Variants in EXOSC1 observed in about 807,000 individuals in gnomAD.
EXOSC1 encodes the protein exosome complex component CSL4.
Under a neutral mutation model 31.4 loss-of-function variants are expected in EXOSC1, and 27 were observed. The observed-to-expected ratio is 0.86, with a 90% CI of 0.63 to 1.18. The LOEUF (loss-of-function observed/expected upper bound fraction) is 1.18. Among genes scored for constraint, EXOSC1 ranks in the 50% most tolerant of loss-of-function variants. The probability of loss-of-function intolerance (pLI) is 0.00; values close to 1 mark genes in which losing one functional copy is unlikely to be tolerated. For missense variants in EXOSC1, 228 were observed against 250.3 expected, an observed-to-expected ratio of 0.91 and a Z score of 0.60; for synonymous variants, 84 against 89.5, an observed-to-expected ratio of 0.94 and a Z score of 0.35.
rs574470414 is a variant in EXOSC1, at chr10:97,437,926, T to A, written c.346-176A>T. 5.1e-4 allele frequency among the ~76,000 whole-genome samples: 75 copies of A among 148,272 alleles called. 3 individuals are homozygous for A. Among genetic ancestry groups the A allele is most frequent in the Admixed American group, 2.0e-3 (30 of 14,814 alleles). On this transcript the variant is annotated intron_variant, in intron 5 of 7. Transcript: ENST00000370902. ...TACAGTATTATCATACAAATGAAAA[T>A]TTTTTTTTTTTGAGATGGAGTCTCG...
intron 3 of EXOSC1, among the ~76,000 whole-genome samples, chr10:97,442,147 C>T (rs1366882344): frequency 6.7e-6 from 1 of 149,578 alleles, no homozygotes; most frequent in Non-Finnish European, 1.5e-5. Flanking sequence ...CACTGCACTC[C>T]AGCCTGGGTG....
At position 97,435,945 on chromosome 10, in the gene EXOSC1, T is replaced by C. The variant is rs1474842102; in HGVS notation, c.*500A>G. On this transcript the variant is annotated 3_prime_UTR_variant, in exon 8 of 8. Coordinates refer to ENST00000370902, the MANE Select transcript of EXOSC1 (RefSeq NM_016046.5). ...TGGGATTTACAAACATGAGCCACCA[T>C]GCCTGCCTCACATGCTATCTGTATC... 2.0e-5 allele frequency among the ~76,000 whole-genome samples: 3 copies of C among 152,180 alleles called. No homozygotes were observed. The highest frequency in any genetic ancestry group is 1.9e-4 in the East Asian group (1 of 5,192).
At chr10:97,438,609 A>G (rs1845618594) in intron 5 of EXOSC1, 61 bp downstream of exon 5, 6 of 1,509,460 alleles carry the variant, frequency 4.0e-6, no homozygotes, top group Non-Finnish European at 5.5e-6. Context: ...CTGGCCTGAG[A>G]TAATACTTTT....
intron 3 of EXOSC1, among the ~76,000 whole-genome samples, chr10:97,441,540 G>C (rs1384563785): frequency 1.3e-5 from 2 of 149,096 alleles, no homozygotes; most frequent in Non-Finnish European, 3.0e-5. Flanking sequence ...GCCCAGGCTG[G>C]AGTGCAATGG....
intron 4 of EXOSC1, 27 bp downstream of exon 4, chr10:97,441,144 G>A: frequency 1.3e-6 from 2 of 1,568,626 alleles, no homozygotes; most frequent in Non-Finnish European, 1.8e-6. Context: ...CAGTTGCTAA[G>A]GTATATGTGA....
chr10:97,439,970 C>CTTTT (rs957127403), intron 4 of EXOSC1, among the ~76,000 whole-genome samples: 1 of 139,652 alleles, frequency 7.2e-6, no homozygotes, highest in Admixed American at 7.3e-5. Context: ...ATGCCTTCTA[C>CTTTT]TTTTTTTTTT....
chr10:97,442,101 C>T (rs1845737962), intron 3 of EXOSC1, among the ~76,000 whole-genome samples: 1 of 150,640 alleles, frequency 6.6e-6, no homozygotes, highest in African/African-American at 2.5e-5. Flanking sequence ...TGCTTGAACC[C>T]AAGAGGCCAG....
intron 4 of EXOSC1, among the ~76,000 whole-genome samples, chr10:97,439,729 T>G (rs989820774): frequency 6.6e-6 from 1 of 152,186 alleles, no homozygotes; most frequent in African/African-American, 2.4e-5. Flanking sequence ...GGAAAAACTG[T>G]CTTCCAAGAA....
At chr10:97,443,417 T>C in intron 2 of EXOSC1, 106 bp from the exon 3 acceptor site, 1 of 953,452 alleles carries the variant, frequency 1.0e-6, no homozygotes, top group Non-Finnish European at 1.6e-6. Flanking sequence ...AGGTGAGAGT[T>C]GGAGTATGGA....
At chr10:97,443,380 G>A (rs1845776313) in intron 2 of EXOSC1, 69 bp from the exon 3 acceptor site, 2 of 1,320,214 alleles carry the variant, frequency 1.5e-6, no homozygotes, top group African/African-American at 1.5e-5. Flanking sequence ...TGTGGCTTGA[G>A]AGTAATATAG....
chr10:97,437,298 G>T, intron 6 of EXOSC1, 23 bp from the exon 7 acceptor site: 1 of 1,587,736 alleles, frequency 6.3e-7, no homozygotes, highest in South Asian at 1.1e-5. Flanking sequence ...CACCGGTGAA[G>T]GAAAATGAGG....
intron 2 of EXOSC1, chr10:97,443,689 CT>C (rs1845787999): frequency 5.4e-5 from 9 of 167,172 alleles, no homozygotes; most frequent in South Asian, 1.8e-4. Context: ...TGCCCAGCTA[CT>C]TTTTTTTGTA....
At chr10:97,443,689 C>CT (rs1845787999) in intron 2 of EXOSC1, 4 of 167,104 alleles carry the variant, frequency 2.4e-5, no homozygotes, top group South Asian at 1.8e-4. Flanking sequence ...TGCCCAGCTA[C>CT]TTTTTTTTGT....
At position 97,445,860 on chromosome 10, in the gene EXOSC1, T is replaced by G; in HGVS notation, c.32-13A>C. ...CACAGACGTTCGCCTGCAGAAAAAA[T>G]GCTGCATCGGTCACGGGCCCCCAGA... is the stretch of plus-strand genomic sequence containing the variant. On this transcript the variant is annotated splice_polypyrimidine_tract_variant and intron_variant, in intron 1 of 7. Coordinates refer to ENST00000370902, the MANE Select transcript of EXOSC1 (RefSeq NM_016046.5). 1 of 1,613,560 alleles carries G rather than the reference T, an allele frequency of 6.2e-7. No individual in the cohort carries two copies. The highest frequency in any genetic ancestry group is 8.5e-7 in the Non-Finnish European group (1 of 1,179,680).
intron 3 of EXOSC1, among the ~76,000 whole-genome samples, chr10:97,442,858 T>C (rs1845761037): frequency 1.3e-5 from 2 of 152,118 alleles, no homozygotes; most frequent in African/African-American, 4.8e-5. Flanking sequence ...TTTTTGTATT[T>C]TTGGTAGAGA....
intron 2 of EXOSC1, among the ~76,000 whole-genome samples, chr10:97,443,522 ACTT>A (rs759050388): frequency 6.6e-6 from 1 of 152,068 alleles, no homozygotes; most frequent in Non-Finnish European, 1.5e-5. Context: ...ACATCTCTAA[ACTT>A]CTTTTTTTGT....
chr10:97,445,348 T>C lies in EXOSC1; in HGVS notation c.147+384A>G, dbSNP rs540152343. ...AAGCAGAGACTGTGATTATAACTTT[T>C]AAACACAGAAAAGACAGTATGACTA... On this transcript the variant is annotated intron_variant, in intron 2 of 7. Transcript: ENST00000370902. 20 of 194,130 alleles carry C rather than the reference T, an allele frequency of 1.0e-4. No homozygotes were observed. In the East Asian group the frequency reaches 1.7e-3, roughly 16 times the overall value. The allele number at this position is 194,130 out of a possible 1,614,324, so 12.0% of individuals were successfully genotyped here. A position where few individuals can be genotyped will look rare whatever the true frequency, so the allele number is the denominator to read the frequency against.
At chr10:97,442,047 C>T (rs534651418) in intron 3 of EXOSC1, among the ~76,000 whole-genome samples, 2 of 151,688 alleles carry the variant, frequency 1.3e-5, no homozygotes, top group South Asian at 4.2e-4. Context: ...CGTGGCAGCA[C>T]ATGCCTATAA....
Position 97,441,240 on chromosome 10 carries a change from C to CT in EXOSC1, c.241_242insA (p.Arg81GlnfsTer16). The CT allele has an allele frequency of 6.2e-7, 1 of 1,613,956 alleles. No homozygotes were observed. ...ATACAGGATGTGTACTTTGGCAAAG[C>CT]GTGAATTGATGCTAGAGACCTGCGG... On this transcript the variant is annotated frameshift_variant, in exon 4 of 8. Transcript: ENST00000370902. LOFTEE classifies it high-confidence loss of function.
Sources: allele counts gnomAD v4.1 joint callset (sites outside exome capture counted in the v4.1 genomes callset), GRCh38; gene constraint gnomAD v4.1.1; transcripts MANE v1.5; gene names NCBI Gene and HGNC (gene_info 2026-07-23, HGNC 2026-07-21).